The following FLT1 variants were observed in gnomAD, a reference collection of about 807,000 sequenced individuals.
The protein encoded by FLT1 is vascular endothelial growth factor receptor 1.
FLT1 carries 49 observed loss-of-function variants against 156.3 expected under a neutral mutation model. The observed-to-expected ratio is 0.31, with a 90% CI of 0.25 to 0.40. The LOEUF is 0.40. Among genes scored for constraint, FLT1 ranks in the 10% least tolerant of loss-of-function variants. The pLI is 1.00. For missense variants in FLT1, 1,322 were observed against 1,637.2 expected (o/e 0.81, Z 3.32); for synonymous variants, 594 against 583.8 (o/e 1.02, Z -0.25).
rs1299611940 is a variant in FLT1 at position 28,357,578 on chromosome 13, T to C, written c.2224A>G (p.Ser742Gly). The C allele has an allele frequency of 1.2e-6, 2 of 1,614,174 alleles. No homozygotes were observed. The highest frequency in any genetic ancestry group is 3.3e-5 in the Admixed American group (2 of 60,024). ...CCTTGAACAGTGAGGTATGCTGAAC[T>C]TTCCACAGAGCCCTTCTGGTTGGTG... ...KATNQKGSVE[S>G]SAYLTVQGTS... Residue 742 changes from serine to glycine, a missense_variant, in exon 15 of 30, where the codon AGT becomes GGT. By Grantham distance (56) the Ser-to-Gly change is moderately conservative. Around this residue, in one of 3 missense-constraint regions of FLT1, gnomAD observed 991 missense variants for 1,254.8 expected, o/e 0.79. Transcript: ENST00000282397.
intron 3 of FLT1, among the ~76,000 whole-genome samples, chr13:28,462,659 T>A (rs866455017): frequency 6.6e-6 from 1 of 152,210 alleles, no homozygotes; most frequent in African/African-American, 2.4e-5. Flanking sequence ...CAAGGTAATT[T>A]AGTGTGGCAA....
chr13:28,341,500 G>A (rs1490519508), intron 16 of FLT1, among the ~76,000 whole-genome samples: 1 of 152,094 alleles, frequency 6.6e-6, no homozygotes. Flanking sequence ...ATCTCATAGG[G>A]TTGTTGTGAA....
At position 28,427,237 on chromosome 13, in the gene FLT1, G is replaced by A. The variant is rs140566073; in HGVS notation, c.1358C>T (p.Thr453Ile). ...TTGAGGGATACCATATGCGGTACAA[G>A]TCAGGATTTGTCTGCTGCCCAGTGG... ...LYPLGSRQILTCTAYGIPQPT... is the reference protein window; with the variant it reads ...LYPLGSRQILICTAYGIPQPT... Residue 453 changes from threonine to isoleucine, a missense_variant, in exon 10 of 30, where the codon ACT becomes ATT. Physicochemically the swap from Thr to Ile is moderately conservative, Grantham distance 89. This residue lies in a region of FLT1 where 991 missense variants were observed against 1,254.8 expected (regional missense o/e 0.79). Coordinates refer to ENST00000282397, the MANE Select transcript of FLT1 (RefSeq NM_002019.4). 112 of 1,613,788 alleles carry A rather than the reference G, an allele frequency of 6.9e-5. No individual in the cohort carries two copies. The African/African-American group carries it at 1.2e-3, about 17-fold the overall frequency.
At position 28,427,335 on chromosome 13, in the gene FLT1, G is replaced by A; in HGVS notation, c.1277-17C>T. 1.2e-6 allele frequency: 2 copies of A among 1,613,344 alleles called. No individual in the cohort carries two copies. The highest frequency in any genetic ancestry group is 2.2e-5 in the South Asian group (2 of 91,048). On this transcript the variant is annotated splice_polypyrimidine_tract_variant and intron_variant, in intron 9 of 29. Transcript: ENST00000282397. ...GGGGTTTCACTGGAAAGGAGATGAA[G>A]AACGGGACAGAAGTCAAGAGCAGTT...
At position 28,321,616 on chromosome 13, in the gene FLT1, T is replaced by A. The variant is rs760239703; in HGVS notation, c.3052-31A>T. 6.2e-6 allele frequency: 10 copies of A among 1,611,962 alleles called. No individual in the cohort carries two copies. The East Asian group carries it at 2.2e-4, about 36-fold the overall frequency. On this transcript the variant is annotated intron_variant, in intron 22 of 29. Coordinates refer to ENST00000282397, the MANE Select transcript of FLT1 (RefSeq NM_002019.4). ...ATAAAACAGTTGCATAATCAATGCA[T>A]TTCCTTAACCTAACCAACTAATTTC...
intron 1 of FLT1, among the ~76,000 whole-genome samples, chr13:28,482,741 T>C (rs1421496136): frequency 6.6e-6 from 1 of 152,210 alleles, no homozygotes; most frequent in East Asian, 1.9e-4. Context: ...AAAGATAATC[T>C]GGATATAGAA....
At position 28,360,908 on chromosome 13, in the gene FLT1, A is replaced by G. The variant is rs145521960; in HGVS notation, c.2117-3223T>C. Among the ~76,000 whole-genome samples the G allele has an allele frequency of 5.0e-3, 760 of 152,310 alleles. 5 individuals are homozygous for G. Among genetic ancestry groups the G allele is most frequent in the African/African-American group, 0.017 (720 of 41,556 alleles). Reference sequence around the variant, plus strand: ...TAATCAGGCTTATTTGATCCTTCCCATTGTATACATGTATTAATATTAAAA... The same window carrying G: ...TAATCAGGCTTATTTGATCCTTCCCGTTGTATACATGTATTAATATTAAAA... On this transcript the variant is annotated intron_variant, in intron 14 of 29. Coordinates refer to ENST00000282397, the MANE Select transcript of FLT1 (RefSeq NM_002019.4).
At chr13:28,306,368 GTCTCT>G (rs1870750021) in intron 29 of FLT1, among the ~76,000 whole-genome samples, 1 of 152,136 alleles carries the variant, frequency 6.6e-6, no homozygotes, top group African/African-American at 2.4e-5. Flanking sequence ...CCGGGAGCGT[GTCTCT>G]GTCTGCACCA....
chr13:28,427,885 A>G lies in FLT1; in HGVS notation c.1143T>C (p.Ala381=). The change falls in exon 9 of 30, where the codon GCT becomes GCC. Residue 381 remains alanine, a synonymous_variant. Transcript: ENST00000282397. ...ACGAGTAGCCACGAGTCAAATAGCG[A>G]GCAGATTTCTCAGTCGCAGGTAACC... ...KDGLPATEKS[A]RYLTRGYSLI... The G allele has an allele frequency of 6.2e-7, 1 of 1,613,986 alleles. No homozygotes were observed. The highest frequency in any genetic ancestry group is 8.5e-7 in the Non-Finnish European group (1 of 1,179,880).
intron 23 of FLT1, among the ~76,000 whole-genome samples, chr13:28,320,831 G>A (rs941129376): frequency 6.6e-6 from 1 of 152,088 alleles, no homozygotes; most frequent in South Asian, 2.1e-4. Context: ...ACTCATTGGC[G>A]CCCAGACATA....
intron 1 of FLT1, among the ~76,000 whole-genome samples, chr13:28,492,179 G>A (rs918857958): frequency 1.3e-5 from 2 of 152,136 alleles, no homozygotes; most frequent in Non-Finnish European, 1.5e-5. Context: ...TTTGAAATAG[G>A]TATTTTCATG....
At chr13:28,461,465 C>A (rs997497972) in intron 3 of FLT1, among the ~76,000 whole-genome samples, 14 of 152,188 alleles carry the variant, frequency 9.2e-5, no homozygotes, top group Admixed American at 3.9e-4. Flanking sequence ...TCATATATAA[C>A]ATGGAAGAAA....
chr13:28,309,470 T>A (rs1442677145), intron 27 of FLT1, among the ~76,000 whole-genome samples: 19 of 152,160 alleles, frequency 1.2e-4, no homozygotes, highest in Non-Finnish European at 2.9e-5. Flanking sequence ...CTTTTGTTGA[T>A]GATGTATTAG....
intron 27 of FLT1, among the ~76,000 whole-genome samples, chr13:28,311,144 A>T (rs1870983878): frequency 6.6e-6 from 1 of 152,084 alleles, no homozygotes; most frequent in African/African-American, 2.4e-5. Flanking sequence ...TTTTAGTAAG[A>T]TGAGGTCTCT....
chr13:28,454,690 G>A (rs1879164024), intron 3 of FLT1, among the ~76,000 whole-genome samples: 1 of 151,902 alleles, frequency 6.6e-6, no homozygotes, highest in Non-Finnish European at 1.5e-5. Flanking sequence ...TATACAGATT[G>A]GAAAAGAAAA....
chr13:28,438,252 G>A lies in FLT1; in HGVS notation c.482C>T (p.Thr161Met), dbSNP rs1161996687. The A allele has an allele frequency of 1.9e-6, 3 of 1,613,702 alleles. No homozygotes were observed. The highest frequency in any genetic ancestry group is 2.2e-5 in the East Asian group (1 of 44,890). The change falls in exon 4 of 30, where the codon ACG becomes ATG. Residue 161 changes from threonine (T) to methionine (M), a missense_variant. Coordinates refer to ENST00000282397, the MANE Select transcript of FLT1 (RefSeq NM_002019.4). The stretch of plus-strand genomic sequence containing the variant: ...TAAAGTAACAGTGATGTTAGGTGAC[G>A]TAACCCGGCAGGGAATGACGAGCTC... ...GRELVIPCRV[T>M]SPNITVTLKK...
At chr13:28,390,301 T>C (rs61763186) in intron 12 of FLT1, among the ~76,000 whole-genome samples, 197 bp from the exon 13 acceptor site, 2,382 of 152,278 alleles carry the variant, frequency 0.016, 58 homozygotes, top group African/African-American at 0.054. Context: ...AGGTAGGAAA[T>C]GCAAAACAGA....
At chr13:28,386,092 G>T (rs1874345011) in intron 13 of FLT1, 1 of 1,054,620 alleles carries the variant, frequency 9.5e-7, no homozygotes, top group Admixed American at 5.4e-5. Flanking sequence ...TATACAGTAT[G>T]AGCTTTCTCT....
intron 1 of FLT1, among the ~76,000 whole-genome samples, chr13:28,481,886 A>G (rs1323782843): frequency 1.3e-5 from 2 of 152,274 alleles, no homozygotes; most frequent in African/African-American, 4.8e-5. Context: ...TAAATTCACA[A>G]AATAAGAACA....
Sources: allele counts gnomAD v4.1 joint callset (sites outside exome capture counted in the v4.1 genomes callset), GRCh38; gene constraint gnomAD v4.1.1; regional missense constraint gnomAD v4.1.1; transcripts MANE v1.5; gene names NCBI Gene and HGNC (gene_info 2026-07-23, HGNC 2026-07-21).